NDUFB6: variants seen among roughly 807,000 people sequenced by gnomAD.
The protein encoded by NDUFB6 is NADH:ubiquinone oxidoreductase subunit B6.
A neutral mutation model predicts 17.5 loss-of-function variants in NDUFB6; 23 were observed. The observed-to-expected ratio is 1.31, with a 90% CI of 0.94 to 1.86. NDUFB6 has a LOEUF of 1.86. Among genes scored for constraint, NDUFB6 ranks in the 40% most tolerant of loss-of-function variants. The pLI, the probability that NDUFB6 is intolerant of heterozygous loss-of-function variation, is 0.00. For synonymous variants in NDUFB6, 60 were observed against 53.5 expected, an observed-to-expected ratio of 1.12 and a Z score of -0.53; for missense variants, 167 against 153.8, an observed-to-expected ratio of 1.09 and a Z score of -0.46.
At chr9:32,556,421 T>C (rs1053566563) in intron 3 of NDUFB6, among the ~76,000 whole-genome samples, 2 of 152,206 alleles carry the variant, frequency 1.3e-5, no homozygotes, top group African/African-American at 2.4e-5. Flanking sequence ...GGCTGTAAGA[T>C]TGAGGAAGAT....
At chr9:32,562,092 T>C (rs150214706) in intron 2 of NDUFB6, among the ~76,000 whole-genome samples, 195 of 152,340 alleles carry the variant, frequency 1.3e-3, no homozygotes, top group African/African-American at 4.5e-3. Context: ...TCAACAGACC[T>C]TCCATTCTAG....
intron 2 of NDUFB6, chr9:32,568,334 T>A: frequency 4.8e-6 from 1 of 207,234 alleles, no homozygotes; most frequent in African/African-American, 2.3e-5. Flanking sequence ...CTGAAGTGCC[T>A]CCATCACATG....
chr9:32,556,243 C>T (rs1587635663), intron 3 of NDUFB6, among the ~76,000 whole-genome samples: 1 of 152,160 alleles, frequency 6.6e-6, no homozygotes, highest in African/African-American at 2.4e-5. Flanking sequence ...TGGGAAATAG[C>T]AAAGAGCACA....
At chr9:32,557,235 G>A (rs959617505) in intron 3 of NDUFB6, among the ~76,000 whole-genome samples, 19 of 143,984 alleles carry the variant, frequency 1.3e-4, no homozygotes, top group African/African-American at 4.2e-4. Flanking sequence ...CGCAAACTCC[G>A]CACACTGCAA....
In NDUFB6 at chr9:32,571,022, C is replaced by CA. The variant is rs1394985102; in HGVS notation, c.210dup (p.Val71CysfsTer22). On this transcript the variant is annotated frameshift_variant, in exon 2 of 4. Transcript: ENST00000379847. LOFTEE classifies it high-confidence loss of function. The stretch of plus-strand genomic sequence containing the variant: ...ACAGGTACAAGTACATGAGTGAAAA[C>CA]AAAGATACTCTTTTTGTATACCCCA... 1 of 1,603,722 alleles carries CA rather than the reference C, an allele frequency of 6.2e-7. No individual in the cohort carries two copies. Among genetic ancestry groups the CA allele is most frequent in the Non-Finnish European group, 8.5e-7 (1 of 1,174,158 alleles).
At chr9:32,564,335 C>T (rs908317491) in intron 2 of NDUFB6, among the ~76,000 whole-genome samples, 1 of 152,034 alleles carries the variant, frequency 6.6e-6, no homozygotes, top group Non-Finnish European at 1.5e-5. Context: ...CACAGGCATA[C>T]CTTACTTTAT....
At chr9:32,569,959 G>C (rs2183815) in intron 2 of NDUFB6, among the ~76,000 whole-genome samples, 1 of 152,266 alleles carries the variant, frequency 6.6e-6, no homozygotes, top group East Asian at 1.9e-4. Flanking sequence ...TGGTGGTCTA[G>C]AACCAAAGAA....
At position 32,553,273 on chromosome 9, in the gene NDUFB6, C is replaced by T. The variant is rs561920555; in HGVS notation, c.*603G>A. ...GCACTATCTCGGCTTACTGCAAGCT[C>T]CGCCTTCTGGGTTCACACCAATCTC... On this transcript the variant is annotated 3_prime_UTR_variant, in exon 4 of 4. Coordinates refer to ENST00000379847, the MANE Select transcript of NDUFB6 (RefSeq NM_002493.5). The T allele has an allele frequency of 2.1e-5, 4 of 190,646 alleles. No homozygotes were observed. The South Asian group carries it at 3.3e-4, about 16-fold the overall frequency. The allele number at this position is 190,646 out of a possible 1,614,324, so 11.8% of individuals were successfully genotyped here.
chr9:32,566,589 C>T (rs13284123), intron 2 of NDUFB6: 11,650 of 783,846 alleles, frequency 0.015, 132 homozygotes, highest in Middle Eastern at 0.029. Context: ...GCACATGGAG[C>T]GGAGGACCCG....
At chr9:32,566,598 C>G in intron 2 of NDUFB6, 1 of 785,624 alleles carries the variant, frequency 1.3e-6, no homozygotes, top group Middle Eastern at 2.9e-4. Flanking sequence ...GCGGAGGACC[C>G]GCAGGAATTC....
At chr9:32,569,811 T>C (rs181654893) in intron 2 of NDUFB6, among the ~76,000 whole-genome samples, 1 of 152,204 alleles carries the variant, frequency 6.6e-6, no homozygotes, top group Admixed American at 6.5e-5. Flanking sequence ...CCACCACACA[T>C]GGCCCAGCAA....
At chr9:32,563,445 AAGCGATCCTCCTGCTTC>A (rs1326153391) in intron 2 of NDUFB6, among the ~76,000 whole-genome samples, 1 of 148,508 alleles carries the variant, frequency 6.7e-6, no homozygotes, top group African/African-American at 2.5e-5. Context: ...TCCTGGGCTC[AAGCGATCCTCCTGCTTC>A]AGCCTCCTGA....
chr9:32,571,303 T>TC (rs1821935257), intron 1 of NDUFB6, among the ~76,000 whole-genome samples: 1 of 146,518 alleles, frequency 6.8e-6, no homozygotes, highest in Non-Finnish European at 1.5e-5. Context: ...AACAAGGCAT[T>TC]TATAGATTTT....
At chr9:32,568,566 C>T (rs1020440420) in intron 2 of NDUFB6, 7 of 179,056 alleles carry the variant, frequency 3.9e-5, no homozygotes, top group East Asian at 1.8e-4. Flanking sequence ...TGCTATCAAA[C>T]AGCATCTCAT....
rs111440634 is a variant in NDUFB6, at chr9:32,564,282, G to A, written c.274-5328C>T. Among the ~76,000 whole-genome samples the A allele has an allele frequency of 4.0e-4, 61 of 151,446 alleles. 2 individuals are homozygous for A. The highest frequency in any genetic ancestry group is 1.3e-3 in the African/African-American group (52 of 41,310). ...TTTCACATAGGTAACTCCCTTTTCC[G>A]GCAGTGAGAATCCTGTGTCCCTTTA... is the stretch of plus-strand genomic sequence containing the variant. On this transcript the variant is annotated intron_variant, in intron 2 of 3. Coordinates refer to ENST00000379847, the MANE Select transcript of NDUFB6 (RefSeq NM_002493.5).
chr9:32,553,046 T>C lies in NDUFB6; in HGVS notation c.*830A>G. 1 of 538,492 alleles carries C rather than the reference T, an allele frequency of 1.9e-6. No individual in the cohort carries two copies. Among genetic ancestry groups the C allele is most frequent in the Non-Finnish European group, 3.3e-6 (1 of 304,690 alleles). 33.4% of individuals were successfully genotyped at this position (538,492 alleles called of 1,614,324 possible). A position where few individuals can be genotyped will look rare whatever the true frequency, so the allele number is the denominator to read the frequency against. Reference sequence around the variant, plus strand: ...TTGCATTATCCTTTATAACAAGCACTAGTATGCAAATTTTTCACTTAGAGA... The same window carrying C: ...TTGCATTATCCTTTATAACAAGCACCAGTATGCAAATTTTTCACTTAGAGA... On this transcript the variant is annotated 3_prime_UTR_variant, in exon 4 of 4. Transcript: ENST00000379847.
chr9:32,560,305 A>C (rs935351559), intron 2 of NDUFB6, among the ~76,000 whole-genome samples: 2 of 152,230 alleles, frequency 1.3e-5, no homozygotes, highest in South Asian at 4.1e-4. Context: ...GGAAGTGTGA[A>C]CCCTCAGATA....
intron 2 of NDUFB6, chr9:32,566,103 C>T (rs781758025): frequency 4.5e-4 from 222 of 494,378 alleles, no homozygotes; most frequent in Non-Finnish European, 7.3e-4. Context: ...TAAAATTATG[C>T]CCACGACAGG....
intron 2 of NDUFB6, among the ~76,000 whole-genome samples, chr9:32,564,916 A>G (rs1412440066): frequency 1.3e-5 from 2 of 152,244 alleles, no homozygotes; most frequent in African/African-American, 4.8e-5. Context: ...TGGCCTAGAA[A>G]AACGGCAGTT....
Sources: gnomAD v4.1 joint callset for allele counts (sites outside exome capture counted in the v4.1 genomes callset) on GRCh38, gnomAD v4.1.1 for gene constraint, MANE v1.5 for transcripts, NCBI Gene and HGNC (gene_info 2026-07-23, HGNC 2026-07-21) for gene names.